CCDC3: variants seen among roughly 807,000 people sequenced by gnomAD.
CCDC3 encodes coiled-coil domain containing 3, also known as coiled-coil domain-containing protein 3.
Under a neutral mutation model 21.4 loss-of-function variants are expected in CCDC3, and 24 were observed. That is an observed-to-expected ratio of 1.12 (90% CI 0.81 to 1.58). The LOEUF (loss-of-function observed/expected upper bound fraction) is 1.58. Among genes scored for constraint, CCDC3 ranks in the 40% most tolerant of loss-of-function variants. CCDC3 has a pLI of 0.00. For synonymous variants in CCDC3, 186 were observed against 166.0 expected (o/e 1.12, Z -0.93); for missense variants, 425 against 360.9 (o/e 1.18, Z -1.44).
chr10:12,991,977 A>G (rs759244911), intron 2 of CCDC3, among the ~76,000 whole-genome samples: 18 of 152,118 alleles, frequency 1.2e-4, no homozygotes, highest in Non-Finnish European at 2.5e-4. Flanking sequence ...GATCTCCCAG[A>G]TCTACTCATG....
At chr10:12,936,198 T>C (rs926627242) in intron 2 of CCDC3, among the ~76,000 whole-genome samples, 2 of 152,228 alleles carry the variant, frequency 1.3e-5, no homozygotes, top group African/African-American at 4.8e-5. Context: ...TCTCCATCAC[T>C]TTTGAAGGAT....
At chr10:13,013,055 A>T (rs1589039993) in intron 5 of CCDC3, among the ~76,000 whole-genome samples, 3 of 152,354 alleles carry the variant, frequency 2.0e-5, no homozygotes, top group Middle Eastern at 3.4e-3. Context: ...TGGTAAATTT[A>T]TCACATTTAT....
At chr10:12,936,177 TTTTG>T (rs542206872) in intron 2 of CCDC3, among the ~76,000 whole-genome samples, 14 of 152,336 alleles carry the variant, frequency 9.2e-5, no homozygotes, top group African/African-American at 3.1e-4. Context: ...TAATCTCAGT[TTTTG>T]TTTATTTCTC....
At chr10:12,899,834 A>C (rs867405132) in intron 2 of CCDC3, among the ~76,000 whole-genome samples, 1 of 152,196 alleles carries the variant, frequency 6.6e-6, no homozygotes, top group Admixed American at 6.5e-5. Context: ...AGGAAGAAGA[A>C]GATTCATTTT....
intron 2 of CCDC3, among the ~76,000 whole-genome samples, chr10:12,953,174 C>T (rs1394718507): frequency 6.6e-6 from 1 of 152,182 alleles, no homozygotes; most frequent in East Asian, 1.9e-4. Context: ...GAGCAAGTCA[C>T]ATCTTACAAG....
intron 3 of CCDC3, among the ~76,000 whole-genome samples, chr10:13,094,801 C>T: frequency 6.6e-6 from 1 of 151,910 alleles, no homozygotes; most frequent in East Asian, 2.0e-4. Context: ...GAGTTCGAGG[C>T]TGCAGTGAGC....
intron 2 of CCDC3, among the ~76,000 whole-genome samples, chr10:12,928,785 G>A (rs1203722702): frequency 1.3e-5 from 2 of 152,190 alleles, no homozygotes; most frequent in Non-Finnish European, 2.9e-5. Flanking sequence ...AGCAGCAATT[G>A]TGAAGCATCG....
At chr10:12,899,041 G>T (rs1307473277) in intron 2 of CCDC3, among the ~76,000 whole-genome samples, 1 of 152,094 alleles carries the variant, frequency 6.6e-6, no homozygotes, top group African/African-American at 2.4e-5. Flanking sequence ...TTCCGGGAAT[G>T]GGGGGAGTCA....
chr10:13,051,761 G>A lies in CCDC3; in HGVS notation c.-269-1820C>T, dbSNP rs138645272. Among the ~76,000 whole-genome samples the A allele has an allele frequency of 3.9e-3, 589 of 152,166 alleles. 3 individuals are homozygous for A. The highest frequency in any genetic ancestry group is 6.2e-3 in the Admixed American group (94 of 15,270). ...ATGCCTGAGACAGGTGAGAATCAGCGTCCCAGACCCAGGAGTGAAGGGAAG... is the reference window on the plus strand; with the variant it reads ...ATGCCTGAGACAGGTGAGAATCAGCATCCCAGACCCAGGAGTGAAGGGAAG... On this transcript the variant is annotated intron_variant, in intron 4 of 6. Transcript: ENST00000378839.
In CCDC3 at chr10:13,001,267, T is replaced by C; in HGVS notation, c.304A>G (p.Thr102Ala). Residue 102 changes from threonine (T) to alanine (A), a missense_variant, in exon 1 of 3, where the codon ACC becomes GCC. By Grantham distance (58) the Thr-to-Ala change is moderately conservative. Transcript: ENST00000378825. ...EVPAGSRLNL[T>A]GLGYFSCHSH... The stretch of plus-strand genomic sequence containing the variant: ...TGGCACGAGAAGTAGCCCAGGCCGG[T>C]GAGGTTGAGCCTGGAGCCGGCGGGC... 1 of 1,600,154 alleles carries C rather than the reference T, an allele frequency of 6.2e-7. No individual in the cohort carries two copies.
At chr10:12,950,532 G>A (rs187182563) in intron 2 of CCDC3, among the ~76,000 whole-genome samples, 32 of 152,294 alleles carry the variant, frequency 2.1e-4, no homozygotes, top group African/African-American at 6.7e-4. Flanking sequence ...AGAGCAGAAC[G>A]AGGCAAATTG....
rs867579709 is a variant in CCDC3, at chr10:12,939,409, T to C, written c.550-40730A>G. Among the ~76,000 whole-genome samples, 6 of 152,278 alleles carry C rather than the reference T, an allele frequency of 3.9e-5. No homozygotes were observed. In the Middle Eastern group the frequency reaches 0.014, roughly 345 times the overall value. ...ACTTTGGGAAGCCAAGGCAGGCAGATCTCAAGAGTTTGAGACCATCCTGGG... is the reference window on the plus strand; with the variant it reads ...ACTTTGGGAAGCCAAGGCAGGCAGACCTCAAGAGTTTGAGACCATCCTGGG... On this transcript the variant is annotated intron_variant, in intron 2 of 2. Coordinates refer to ENST00000378825, the MANE Select transcript of CCDC3 (RefSeq NM_031455.4).
At chr10:12,925,491 C>A (rs543537200) in intron 2 of CCDC3, among the ~76,000 whole-genome samples, 1 of 152,358 alleles carries the variant, frequency 6.6e-6, no homozygotes, top group South Asian at 2.1e-4. Flanking sequence ...TCCCCACAAG[C>A]GGCCAGTCTG....
chr10:13,058,559 C>T, intron 4 of CCDC3: 1 of 701,404 alleles, frequency 1.4e-6, no homozygotes. Flanking sequence ...TTATTTTTAT[C>T]CTGCATCACC....
At chr10:12,919,584 T>TC (rs1834414030) in intron 2 of CCDC3, among the ~76,000 whole-genome samples, 1 of 48,992 alleles carries the variant, frequency 2.0e-5, no homozygotes, top group Non-Finnish European at 4.1e-5. Flanking sequence ...AGCAAGACTG[T>TC]CTAAAAAAAA....
rs1261752847 is a variant in CCDC3, at chr10:12,998,244, G to C, written c.549+94C>G. ...CTAATACTCTCTGATCTGGGCTTTTGGAAGAGTATTCTTGATTCCTTTGGT... is the reference window on the plus strand; with the variant it reads ...CTAATACTCTCTGATCTGGGCTTTTCGAAGAGTATTCTTGATTCCTTTGGT... On this transcript the variant is annotated intron_variant, in intron 2 of 2. Coordinates refer to ENST00000378825, the MANE Select transcript of CCDC3 (RefSeq NM_031455.4). 2.2e-6 allele frequency: 3 copies of C among 1,378,060 alleles called. No individual in the cohort carries two copies. In the Admixed American group the frequency reaches 6.2e-5, roughly 28 times the overall value. 85.4% of individuals were successfully genotyped at this position (1,378,060 alleles called of 1,614,324 possible). A position where few individuals can be genotyped will look rare whatever the true frequency, so the allele number is the denominator to read the frequency against.
At chr10:12,906,258 G>A (rs1223087381) in intron 2 of CCDC3, among the ~76,000 whole-genome samples, 1 of 152,180 alleles carries the variant, frequency 6.6e-6, no homozygotes, top group East Asian at 1.9e-4. Flanking sequence ...GACTGCATGT[G>A]GCTTGGCAGC....
rs140437637 is a variant in CCDC3, at chr10:13,019,924, A to T, written c.-1-21412T>A. ...GGCAGAAGAATCGCTTGAAACCTAA[A>T]GGTGGAAGTTTCAGTGAGCAGAGAT... is the stretch of plus-strand genomic sequence containing the variant. On this transcript the variant is annotated intron_variant, in intron 5 of 6. Coordinates refer to the CCDC3 transcript ENST00000378839. Among the ~76,000 whole-genome samples the T allele has an allele frequency of 1.1e-3, 163 of 152,350 alleles. 2 individuals are homozygous for T. In the East Asian group the frequency reaches 0.026, roughly 24 times the overall value.
intron 2 of CCDC3, among the ~76,000 whole-genome samples, chr10:12,956,197 C>A (rs957711126): frequency 6.6e-6 from 1 of 152,198 alleles, no homozygotes; most frequent in Non-Finnish European, 1.5e-5. Context: ...CTTGCCAAAC[C>A]ACCAACCCTA....
Sources: gnomAD v4.1 joint callset for allele counts (sites outside exome capture counted in the v4.1 genomes callset) on GRCh38, gnomAD v4.1.1 for gene constraint, MANE v1.5 for transcripts, NCBI Gene and HGNC (gene_info 2026-07-23, HGNC 2026-07-21) for gene names.